The following CFAP54 variants were observed in gnomAD, a reference collection of about 807,000 sequenced individuals.
CFAP54 encodes the protein cilia- and flagella-associated protein 54.
A neutral mutation model predicts 370.4 loss-of-function variants in CFAP54; 290 were observed. That is an observed-to-expected ratio of 0.78 (90% CI 0.71 to 0.86). The LOEUF (loss-of-function observed/expected upper bound fraction) is 0.86, where lower values mean the gene tolerates loss of function less well. Ranked by LOEUF, CFAP54 falls within the 40% of genes least tolerant of loss-of-function variation. The probability of loss-of-function intolerance (pLI) is 0.00; values close to 1 mark genes in which losing one functional copy is unlikely to be tolerated. For missense variants in CFAP54, 3,399 were observed against 3,528.7 expected (o/e 0.96, Z 0.93); for synonymous variants, 1,206 against 1,236.5 (o/e 0.98, Z 0.52).
At chr12:96,859,237 C>T (rs1959799480) in intron 66 of CFAP54, among the ~76,000 whole-genome samples, 1 of 152,106 alleles carries the variant, frequency 6.6e-6, no homozygotes, top group African/African-American at 2.4e-5. Flanking sequence ...CTTATTTATA[C>T]CATATACAAA....
At chr12:96,801,260 G>T (rs982797529) in intron 63 of CFAP54, among the ~76,000 whole-genome samples, 4 of 152,178 alleles carry the variant, frequency 2.6e-5, no homozygotes, top group African/African-American at 9.7e-5. Context: ...TAAGTTCACA[G>T]CTTTGAAAAT....
intron 19 of CFAP54, among the ~76,000 whole-genome samples, chr12:96,568,593 G>T (rs1258950001): frequency 1.3e-5 from 2 of 151,982 alleles, no homozygotes; most frequent in African/African-American, 4.8e-5. Flanking sequence ...ATTTCCCTTG[G>T]CAATCATTCT....
intron 20 of CFAP54, among the ~76,000 whole-genome samples, chr12:96,578,001 G>T (rs1199276596): frequency 6.6e-6 from 1 of 152,164 alleles, no homozygotes; most frequent in Non-Finnish European, 1.5e-5. Flanking sequence ...GGTGGAGGTT[G>T]CAGTGAGCCG....
At chr12:96,615,737 A>G (rs1455162931) in intron 26 of CFAP54, among the ~76,000 whole-genome samples, 3 of 152,260 alleles carry the variant, frequency 2.0e-5, no homozygotes, top group East Asian at 3.8e-4. Flanking sequence ...GAAGACATCT[A>G]TGCAGCCAAA....
At chr12:96,794,934 C>T (rs112010435) in intron 63 of CFAP54, among the ~76,000 whole-genome samples, 4,073 of 152,192 alleles carry the variant, frequency 0.027, 188 homozygotes, top group African/African-American at 0.091. Flanking sequence ...TGGGGTGCTC[C>T]GTTGATGTGG....
intron 39 of CFAP54, among the ~76,000 whole-genome samples, chr12:96,665,284 T>C (rs1015502448): frequency 2.0e-5 from 3 of 152,012 alleles, no homozygotes; most frequent in Non-Finnish European, 2.9e-5. Context: ...GTTTACAATG[T>C]TGATAGTTTC....
In CFAP54 at chr12:96,506,963, C is replaced by T. The variant is rs145882699; in HGVS notation, c.603C>T (p.Tyr201=). The T allele has an allele frequency of 1.1e-4, 170 of 1,532,448 alleles. 3 individuals carry two copies. In the African/African-American group the frequency reaches 1.9e-3, roughly 18 times the overall value. The allele number at this position is 1,532,448 out of a possible 1,614,324, so 94.9% of individuals were successfully genotyped here. The part of the protein sequence containing the change: ...HALSGKNMCN[Y]QLVCDSDENL... Reference sequence around the variant, plus strand: ...TGAGTGGCAAAAATATGTGCAACTACCAGCTGGTCTGCGACAGTGATGAAA... The same window carrying T: ...TGAGTGGCAAAAATATGTGCAACTATCAGCTGGTCTGCGACAGTGATGAAA... The change falls in exon 4 of 68, where the codon TAC becomes TAT. Residue 201 remains tyrosine (Y), a synonymous_variant. Transcript: ENST00000524981.
intron 22 of CFAP54, among the ~76,000 whole-genome samples, chr12:96,581,664 T>C (rs2136426199): frequency 7.7e-6 from 1 of 130,194 alleles, no homozygotes; most frequent in South Asian, 2.3e-4. Flanking sequence ...CCTATTTATC[T>C]ATCTAATTAA....
intron 19 of CFAP54, among the ~76,000 whole-genome samples, chr12:96,565,612 A>G (rs1955858946): frequency 6.6e-6 from 1 of 152,134 alleles, no homozygotes; most frequent in South Asian, 2.1e-4. Context: ...AACAAAGAGA[A>G]ATTGAAGATA....
intron 67 of CFAP54, among the ~76,000 whole-genome samples, chr12:96,864,345 G>C (rs1959952553): frequency 1.3e-5 from 2 of 152,116 alleles, no homozygotes; most frequent in Non-Finnish European, 2.9e-5. Context: ...TAAAACTGCA[G>C]CACTTCCCAT....
At chr12:96,523,853 A>G (rs1042306965) in intron 8 of CFAP54, among the ~76,000 whole-genome samples, 1 of 152,158 alleles carries the variant, frequency 6.6e-6, no homozygotes, top group African/African-American at 2.4e-5. Flanking sequence ...TCCAGATAAA[A>G]TTACATTAAA....
At chr12:96,530,389 C>G (rs989357472) in intron 9 of CFAP54, among the ~76,000 whole-genome samples, 1 of 152,122 alleles carries the variant, frequency 6.6e-6, no homozygotes. Context: ...ACTTGGGAGG[C>G]TGAGGCAAAA....
At chr12:96,490,047 A>G (rs73235163) in intron 1 of CFAP54, 121 bp downstream of exon 1, 82,240 of 897,188 alleles carry the variant, frequency 0.092, 4,323 homozygotes, top group South Asian at 0.13. Context: ...GGGCTGGCTG[A>G]AGGGCCCAGG....
At chr12:96,661,766 T>C (rs1342835956) in intron 38 of CFAP54, among the ~76,000 whole-genome samples, 2 of 152,182 alleles carry the variant, frequency 1.3e-5, no homozygotes, top group African/African-American at 2.4e-5. Context: ...TGCCAGAAAG[T>C]AGATGCTTCC....
At chr12:96,542,227 G>C (rs1955583815) in intron 14 of CFAP54, among the ~76,000 whole-genome samples, 1 of 152,158 alleles carries the variant, frequency 6.6e-6, no homozygotes, top group Non-Finnish European at 1.5e-5. Context: ...TTAGAGCCAT[G>C]GTTCTCAAAT....
chr12:96,613,617 A>T (rs1026440892), intron 26 of CFAP54, among the ~76,000 whole-genome samples: 4 of 152,132 alleles, frequency 2.6e-5, no homozygotes, highest in Admixed American at 6.5e-5. Flanking sequence ...TTGATAGACC[A>T]CTACCAAGAC....
intron 30 of CFAP54, among the ~76,000 whole-genome samples, chr12:96,629,316 T>A (rs1414010505): frequency 6.6e-6 from 1 of 152,064 alleles, no homozygotes; most frequent in Non-Finnish European, 1.5e-5. Context: ...TATTATTATT[T>A]TTTTTGAGAC....
chr12:96,870,624 C>T (rs774069980), intron 67 of CFAP54, among the ~76,000 whole-genome samples: 7 of 152,120 alleles, frequency 4.6e-5, no homozygotes, highest in Non-Finnish European at 8.8e-5. Context: ...CATACATCTT[C>T]GGGGGAAGTT....
At chr12:96,561,072 T>C (rs977413144) in intron 17 of CFAP54, among the ~76,000 whole-genome samples, 5 of 152,162 alleles carry the variant, frequency 3.3e-5, no homozygotes, top group African/African-American at 7.2e-5. Context: ...AGTCATAAAT[T>C]TTGCCAGTGG....
Sources: gnomAD v4.1 joint callset for allele counts (sites outside exome capture counted in the v4.1 genomes callset) on GRCh38, gnomAD v4.1.1 for gene constraint, MANE v1.5 for transcripts, NCBI Gene and HGNC (gene_info 2026-07-23, HGNC 2026-07-21) for gene names.